Variants in CFAP99 observed in about 807,000 individuals in gnomAD.
CFAP99 encodes cilia and flagella associated protein 99, also known as cilia- and flagella-associated protein 99.
A neutral mutation model predicts 82.7 loss-of-function variants in CFAP99; 84 were observed. The ratio of observed to expected loss-of-function variants is 1.02; its 90% CI spans 0.85 to 1.22. The LOEUF is 1.22. CFAP99 is among the 50% of genes most tolerant of loss of function. The pLI is 0.00. For missense variants in CFAP99, 1,059 were observed against 983.5 expected, an observed-to-expected ratio of 1.08 and a Z score of -1.03; for synonymous variants, 456 against 429.5, an observed-to-expected ratio of 1.06 and a Z score of -0.76.
rs561683544 is a variant in CFAP99 at position 2,452,298 on chromosome 4, G to A, written c.1113G>A (p.Gln371=). ...ATGAGGAGGCCGTCCTAGCCCGGCA[G>A]AGCCTCATGCAGGAGAACAAGCAGA... is the stretch of plus-strand genomic sequence containing the variant. The change falls in exon 11 of 15, where the codon CAG becomes CAA. Residue 371 remains glutamine, a synonymous_variant. Transcript: ENST00000635017. 6 of 1,535,610 alleles carry A rather than the reference G, an allele frequency of 3.9e-6. No individual in the cohort carries two copies. In the African/African-American group the frequency reaches 4.1e-5, roughly 11 times the overall value.
intron 10 of CFAP99, 52 bp from the exon 11 acceptor site, chr4:2,452,090 G>A: frequency 2.0e-6 from 3 of 1,520,976 alleles, no homozygotes; most frequent in Non-Finnish European, 2.6e-6. Flanking sequence ...CCACCCAGCA[G>A]CCTCTGTCAC....
At chr4:2,419,901 C>G (rs1400036579) in intron 1 of CFAP99, among the ~76,000 whole-genome samples, 1 of 152,132 alleles carries the variant, frequency 6.6e-6, no homozygotes, top group Non-Finnish European at 1.5e-5. Flanking sequence ...CTTGTTCTTT[C>G]TGGAAACTAC....
intron 11 of CFAP99, among the ~76,000 whole-genome samples, chr4:2,457,087 G>A (rs1271105147): frequency 6.6e-6 from 1 of 151,684 alleles, no homozygotes; most frequent in African/African-American, 2.4e-5. Context: ...TGAGTAGCTG[G>A]GACCACAGGC....
chr4:2,433,680 G>A (rs1172583655), intron 2 of CFAP99, among the ~76,000 whole-genome samples: 2 of 152,218 alleles, frequency 1.3e-5, no homozygotes, highest in Non-Finnish European at 2.9e-5. Context: ...GAGCGCCCAG[G>A]TGGCCATCTA....
At position 2,448,979 on chromosome 4, in the gene CFAP99, C is replaced by T. The variant is rs757184317; in HGVS notation, c.643-691C>T. 2.6e-5 allele frequency among the ~76,000 whole-genome samples: 4 copies of T among 152,078 alleles called. No individual in the cohort carries two copies. Among genetic ancestry groups the T allele is most frequent in the Non-Finnish European group, 5.9e-5 (4 of 67,998 alleles). ...GCATGGGTGAGGAATGGACAGCGGT[C>T]GTGGTCAGTGAGGCTGAGGGAGGGC... On this transcript the variant is annotated intron_variant, in intron 6 of 14. Coordinates refer to ENST00000635017, the Ensembl canonical transcript of CFAP99. The surrounding 1 kb of genome is among the most constrained non-coding windows in gnomAD (Gnocchi z 5.2).
chr4:2,423,888 G>C (rs1036609470), intron 1 of CFAP99, among the ~76,000 whole-genome samples: 9 of 151,742 alleles, frequency 5.9e-5, no homozygotes, highest in Non-Finnish European at 1.0e-4. Flanking sequence ...GACATGGGGT[G>C]GGGGGAGGGG....
exon 11 of CFAP99, chr4:2,452,326 G>A: frequency 6.5e-7 from 1 of 1,534,842 alleles, no homozygotes; most frequent in Non-Finnish European, 8.7e-7. Flanking sequence ...CAAGCAGAGG[G>A]TGGAGCAGCA....
chr4:2,431,429 G>A (rs1169012268), intron 2 of CFAP99, among the ~76,000 whole-genome samples: 4 of 152,006 alleles, frequency 2.6e-5, no homozygotes, highest in Non-Finnish European at 5.9e-5. Flanking sequence ...TTAGAAATAT[G>A]GTCTGTGCAG....
rs186446853 is a variant in CFAP99, at chr4:2,441,263, C to T, written c.352-1867C>T. On this transcript the variant is annotated intron_variant, in intron 4 of 14. Transcript: ENST00000635017. ...TGGCACGCGCCTATAATCCCAGCTA[C>T]TCAGGAGGCTGAGGCAGGAGAATCA... 2.6e-5 allele frequency among the ~76,000 whole-genome samples: 4 copies of T among 151,114 alleles called. No homozygotes were observed. In the East Asian group the frequency reaches 7.8e-4, roughly 30 times the overall value.
At chr4:2,460,298 C>A in intron 14 of CFAP99, 56 bp downstream of exon 14, 1 of 1,478,346 alleles carries the variant, frequency 6.8e-7, no homozygotes, top group African/African-American at 1.4e-5. Context: ...ATGCTGTAAG[C>A]CTGCCTTGCA....
chr4:2,431,765 C>T (rs73205485), intron 2 of CFAP99, among the ~76,000 whole-genome samples: 47,388 of 151,160 alleles, frequency 0.31, 8,366 homozygotes, highest in East Asian at 0.52. Context: ...TTGAGACACT[C>T]CCTCACCTAG....
At chr4:2,456,664 C>A (rs1380677753) in intron 11 of CFAP99, among the ~76,000 whole-genome samples, 1 of 152,034 alleles carries the variant, frequency 6.6e-6, no homozygotes. Context: ...GGATTACAGG[C>A]ATGCACCATC....
intron 11 of CFAP99, among the ~76,000 whole-genome samples, chr4:2,456,191 T>G (rs1734428883): frequency 6.6e-6 from 1 of 152,158 alleles, no homozygotes; most frequent in South Asian, 2.1e-4. Flanking sequence ...AGGTTTTTTT[T>G]GTTTTGTTTT....
chr4:2,438,518 T>A (rs1407424603), intron 4 of CFAP99, among the ~76,000 whole-genome samples: 1 of 152,130 alleles, frequency 6.6e-6, no homozygotes, highest in Non-Finnish European at 1.5e-5. Context: ...CGCCTCGGCC[T>A]CCCAAAGTGC....
At chr4:2,461,558 C>T (rs1734621833) in intron 14 of CFAP99, among the ~76,000 whole-genome samples, 1 of 152,208 alleles carries the variant, frequency 6.6e-6, no homozygotes, top group Non-Finnish European at 1.5e-5. Flanking sequence ...CTCATCACTT[C>T]CAGCTGCTGG....
At chr4:2,419,613 G>T (rs776047329) in intron 1 of CFAP99, among the ~76,000 whole-genome samples, 1 of 152,090 alleles carries the variant, frequency 6.6e-6, no homozygotes, top group Non-Finnish European at 1.5e-5. Flanking sequence ...TGCCCCCCTC[G>T]GTTCAGAATT....
exon 12 of CFAP99, chr4:2,458,824 G>C: frequency 1.3e-6 from 2 of 1,535,922 alleles, no homozygotes; most frequent in Non-Finnish European, 1.7e-6. Flanking sequence ...AGAACGCCAA[G>C]GCGGCCCAGA....
chr4:2,425,148 G>A (rs557100209), intron 1 of CFAP99, among the ~76,000 whole-genome samples: 7 of 152,166 alleles, frequency 4.6e-5, no homozygotes, highest in Non-Finnish European at 7.3e-5. Context: ...GCCATTGCTT[G>A]TTCCTTGGAC....
At chr4:2,438,530 G>A (rs1011488609) in intron 4 of CFAP99, among the ~76,000 whole-genome samples, 2 of 152,118 alleles carry the variant, frequency 1.3e-5, no homozygotes, top group Non-Finnish European at 2.9e-5. Flanking sequence ...CCAAAGTGCT[G>A]GGGTTACAGG....
Sources: allele counts gnomAD v4.1 joint callset (sites outside exome capture counted in the v4.1 genomes callset), GRCh38; gene constraint gnomAD v4.1.1; non-coding constraint Gnocchi (gnomAD v3.1); transcripts MANE v1.5; gene names NCBI Gene and HGNC (gene_info 2026-07-23, HGNC 2026-07-21).